The following RGS5 variants were observed in gnomAD, a reference collection of about 807,000 sequenced individuals.
RGS5 encodes regulator of G protein signaling 5.
RGS5 carries 20 observed loss-of-function variants against 18.9 expected under a neutral mutation model. That is an observed-to-expected ratio of 1.06 (90% confidence interval 0.74 to 1.54). RGS5 has a LOEUF of 1.54. Among genes scored for constraint, RGS5 ranks in the 40% most tolerant of loss-of-function variants. The pLI is 0.00. For synonymous variants in RGS5, 57 were observed against 76.2 expected, an observed-to-expected ratio of 0.75 and a Z score of 1.31; for missense variants, 201 against 211.8, an observed-to-expected ratio of 0.95 and a Z score of 0.32.
chr1:163,240,051 GTT>G (rs34837921), intron 2 of RGS5, among the ~76,000 whole-genome samples: 1 of 148,970 alleles, frequency 6.7e-6, no homozygotes, highest in Admixed American at 6.7e-5. Flanking sequence ...GTTTAGCAGG[GTT>G]TTTTTTTTTC....
intron 4 of RGS5, among the ~76,000 whole-genome samples, chr1:163,148,557 G>T (rs1183147000): frequency 6.6e-6 from 1 of 152,186 alleles, no homozygotes; most frequent in Non-Finnish European, 1.5e-5. Flanking sequence ...GCACAGAAAT[G>T]TTACATGATT....
In RGS5 at chr1:163,320,171, G is replaced by A. The variant is rs1460933116; in HGVS notation, c.-378+1451C>T. 6.6e-5 allele frequency among the ~76,000 whole-genome samples: 10 copies of A among 151,830 alleles called. No individual in the cohort carries two copies. The East Asian group carries it at 1.7e-3, about 26-fold the overall frequency. ...TCTAATCTTGGCTTTCACATAAATC[G>A]CTTGGTTTTTTTTCTAGATTCTCAA... is the stretch of plus-strand genomic sequence containing the variant. On this transcript the variant is annotated intron_variant, in intron 1 of 5. Coordinates refer to the RGS5 transcript ENST00000618415.
chr1:163,314,496 T>C (rs1287329505), intron 1 of RGS5, among the ~76,000 whole-genome samples: 1 of 152,064 alleles, frequency 6.6e-6, no homozygotes, highest in Non-Finnish European at 1.5e-5. Flanking sequence ...AAAGAATTCA[T>C]GAGAATGATA....
In RGS5 at chr1:163,267,779, T is replaced by C. The variant is rs182528255; in HGVS notation, c.-281+38454A>G. Among the ~76,000 whole-genome samples the C allele has an allele frequency of 3.9e-4, 60 of 152,250 alleles. 1 individual carries two copies. In the East Asian group the frequency reaches 0.01, roughly 26 times the overall value. The stretch of plus-strand genomic sequence containing the variant: ...AATCAGAAGTGAAAATGACATTTTC[T>C]GAACTTTTTTTTTCTGTGTTGTGGA... On this transcript the variant is annotated intron_variant, in intron 2 of 5. Transcript: ENST00000618415.
At chr1:163,266,822 A>G (rs993804418) in intron 2 of RGS5, 3 of 152,160 alleles carry the variant, frequency 2.0e-5, no homozygotes, top group Non-Finnish European at 4.4e-5. Flanking sequence ...TTATATGCTC[A>G]ATACCCACTA....
intron 1 of RGS5, among the ~76,000 whole-genome samples, chr1:163,180,400 T>C (rs1446250296): frequency 6.6e-6 from 1 of 152,160 alleles, no homozygotes; most frequent in African/African-American, 2.4e-5. Flanking sequence ...CCTTCAGCAC[T>C]CCCTATCAGA....
chr1:163,287,663 T>C (rs562833030), intron 2 of RGS5, among the ~76,000 whole-genome samples: 1 of 152,342 alleles, frequency 6.6e-6, no homozygotes, highest in South Asian at 2.1e-4. Flanking sequence ...GCTTTCTGGA[T>C]GGGTAAGACA....
chr1:163,175,747 A>G (rs1658524065), intron 1 of RGS5, among the ~76,000 whole-genome samples: 1 of 152,228 alleles, frequency 6.6e-6, no homozygotes, highest in Admixed American at 6.5e-5. Context: ...ATATCATGTT[A>G]AAACATGTAT....
intron 2 of RGS5, among the ~76,000 whole-genome samples, chr1:163,250,608 A>G (rs1234754513): frequency 6.6e-6 from 1 of 152,206 alleles, no homozygotes; most frequent in Non-Finnish European, 1.5e-5. Context: ...TGAACTTTCA[A>G]GATTTGGCCT....
chr1:163,273,118 CA>C (rs201259505), intron 2 of RGS5, among the ~76,000 whole-genome samples: 10 of 151,488 alleles, frequency 6.6e-5, no homozygotes, highest in South Asian at 4.2e-4. Flanking sequence ...TAATTTTCTT[CA>C]AAAAAAATGC....
At chr1:163,153,861 T>G (rs1657480170) in intron 3 of RGS5, among the ~76,000 whole-genome samples, 1 of 151,768 alleles carries the variant, frequency 6.6e-6, no homozygotes, top group Non-Finnish European at 1.5e-5. Flanking sequence ...TTCTAAACAA[T>G]GTATGGCTAT....
At chr1:163,268,026 G>A (rs183932678) in intron 2 of RGS5, among the ~76,000 whole-genome samples, 13 of 152,078 alleles carry the variant, frequency 8.5e-5, no homozygotes, top group Admixed American at 1.3e-4. Flanking sequence ...AAATATGAAT[G>A]AGATTTGGCT....
intron 1 of RGS5, among the ~76,000 whole-genome samples, chr1:163,197,784 A>C (rs900259024): frequency 1.3e-5 from 2 of 152,164 alleles, no homozygotes; most frequent in African/African-American, 4.8e-5. Context: ...ACTTATTCTC[A>C]GCAAGCATGA....
intron 2 of RGS5, among the ~76,000 whole-genome samples, chr1:163,258,369 C>T (rs1019794569): frequency 6.6e-6 from 1 of 152,116 alleles, no homozygotes; most frequent in Non-Finnish European, 1.5e-5. Context: ...AATAGAAATG[C>T]TTAAACATGG....
intron 1 of RGS5, chr1:163,212,098 A>G (rs1660119643): frequency 6.6e-6 from 1 of 152,056 alleles, no homozygotes; most frequent in Non-Finnish European, 1.5e-5. Flanking sequence ...TGCAATTCCT[A>G]CTCTCCTTCT....
rs1657011099 is a variant in RGS5, at chr1:163,143,649, T to C, written c.*3693A>G. 6.6e-6 allele frequency: 1 copy of C among 152,188 alleles called. No homozygotes were observed. Among genetic ancestry groups the C allele is most frequent in the Non-Finnish European group, 1.5e-5 (1 of 68,030 alleles). 9.4% of individuals were successfully genotyped at this position (152,188 alleles called of 1,614,324 possible). A position where few individuals can be genotyped will look rare whatever the true frequency, so the allele number is the denominator to read the frequency against. ...TTTTAACCTCTTCCCTTCTCCCCTTTCTTCCCTTTCTTTTCATGACTATTC... is the reference window on the plus strand; with the variant it reads ...TTTTAACCTCTTCCCTTCTCCCCTTCCTTCCCTTTCTTTTCATGACTATTC... On this transcript the variant is annotated 3_prime_UTR_variant, in exon 5 of 5. Coordinates refer to ENST00000313961, the MANE Select transcript of RGS5 (RefSeq NM_003617.4).
rs955157305 is a variant in RGS5 at position 163,172,841 on chromosome 1, T to C, written c.45-4473A>G. Among the ~76,000 whole-genome samples the C allele has an allele frequency of 9.1e-4, 139 of 152,340 alleles. 1 individual carries two copies. The highest frequency in any genetic ancestry group is 3.1e-3 in the African/African-American group (130 of 41,582). ...AGAAATGCTGAAGTTCAAATCACTT[T>C]AAACATTGCACTCTTTTCACAAGAC... On this transcript the variant is annotated intron_variant, in intron 1 of 4. Coordinates refer to ENST00000313961, the MANE Select transcript of RGS5 (RefSeq NM_003617.4).
intron 2 of RGS5, among the ~76,000 whole-genome samples, chr1:163,238,314 T>A (rs1271649529): frequency 6.6e-6 from 1 of 152,216 alleles, no homozygotes; most frequent in East Asian, 1.9e-4. Context: ...GTCAAAATCA[T>A]ATTAATTGCC....
chr1:163,268,351 A>G (rs145940450), intron 2 of RGS5, among the ~76,000 whole-genome samples: 229 of 152,186 alleles, frequency 1.5e-3, no homozygotes, highest in African/African-American at 5.2e-3. Context: ...TTCATTCAAT[A>G]TTTTCATTTT....
Sources: allele counts gnomAD v4.1 joint callset (sites outside exome capture counted in the v4.1 genomes callset), GRCh38; gene constraint gnomAD v4.1.1; transcripts MANE v1.5; gene names NCBI Gene and HGNC (gene_info 2026-07-23, HGNC 2026-07-21).